ADAMTSL1: variants seen among roughly 807,000 people sequenced by gnomAD.
ADAMTSL1 encodes ADAMTS like 1.
ADAMTSL1 carries 126 observed loss-of-function variants against 201.8 expected under a neutral mutation model. The ratio of observed to expected loss-of-function variants is 0.62; its 90% CI spans 0.54 to 0.72. The LOEUF is 0.72. ADAMTSL1 is among the 30% of genes least tolerant of loss of function. The pLI is 0.00. For missense variants in ADAMTSL1, 2,679 were observed against 2,277.8 expected, an observed-to-expected ratio of 1.18 and a Z score of -3.59; for synonymous variants, 1,121 against 903.4, an observed-to-expected ratio of 1.24 and a Z score of -4.32.
chr9:18,008,245 G>A (rs1211228912), intron 1 of ADAMTSL1, among the ~76,000 whole-genome samples: 1 of 151,958 alleles, frequency 6.6e-6, no homozygotes, highest in Admixed American at 6.6e-5. Flanking sequence ...GGCTAAATAA[G>A]TTCTTGCTGT....
chr9:18,109,280 G>A (rs930074231), intron 1 of ADAMTSL1, among the ~76,000 whole-genome samples: 3 of 152,080 alleles, frequency 2.0e-5, no homozygotes, highest in Non-Finnish European at 4.4e-5. Flanking sequence ...GGAGACTGGG[G>A]ACTTGGTAGA....
intron 1 of ADAMTSL1, among the ~76,000 whole-genome samples, chr9:18,079,293 C>A (rs1323459590): frequency 6.6e-6 from 1 of 152,130 alleles, no homozygotes; most frequent in Non-Finnish European, 1.5e-5. Context: ...TTCTGGTTAC[C>A]ACTTCACATT....
chr9:18,005,434 T>G lies in ADAMTSL1; in HGVS notation c.87+98512T>G, dbSNP rs143087207. ...AGCACAACTTGCTTTCATTTAACAG[T>G]TGAAGGAAAAAGAAGTACAGGGAGA... On this transcript the variant is annotated intron_variant, in intron 1 of 29. Transcript: ENST00000680146. Among the ~76,000 whole-genome samples, 207 of 152,120 alleles carry G rather than the reference T, an allele frequency of 1.4e-3. 1 individual carries two copies. Among genetic ancestry groups the G allele is most frequent in the African/African-American group, 4.7e-3 (194 of 41,540 alleles).
rs570146706 is a variant in ADAMTSL1, at chr9:17,962,199, C to T, written c.87+55277C>T. ...AGGGTGAAACCAGAACCCAGGCTTACCAGCCTTAGTTTAAACCTACCTGAA... is the reference window on the plus strand; with the variant it reads ...AGGGTGAAACCAGAACCCAGGCTTATCAGCCTTAGTTTAAACCTACCTGAA... On this transcript the variant is annotated intron_variant, in intron 1 of 29. Transcript: ENST00000680146. 2.0e-5 allele frequency among the ~76,000 whole-genome samples: 3 copies of T among 152,232 alleles called. No homozygotes were observed. In the East Asian group the frequency reaches 5.8e-4, roughly 30 times the overall value.
In ADAMTSL1 at chr9:18,662,067, C is replaced by T. The variant is rs765624574; in HGVS notation, c.1079C>T (p.Pro360Leu). 1.9e-6 allele frequency: 3 copies of T among 1,612,628 alleles called. No individual in the cohort carries two copies. The Admixed American group carries it at 5.0e-5, about 27-fold the overall frequency. The change falls in exon 9 of 29, where the codon CCA becomes CTA. Residue 360 changes from proline (P) to leucine (L), a missense_variant. Transcript: ENST00000380548. ...KLQECNLDPC[P>L]ASDGYKQIMP... ...CAGGAGTGCAACTTGGATCCTTGTC[C>T]AGCCAGGTCAGTCAAATTTGCTAGT...
At chr9:18,297,578 C>T (rs1316838294) in intron 2 of ADAMTSL1, among the ~76,000 whole-genome samples, 1 of 152,122 alleles carries the variant, frequency 6.6e-6, no homozygotes, top group Non-Finnish European at 1.5e-5. Context: ...GTCAAAAAGG[C>T]TCCGTAAAAG....
intron 2 of ADAMTSL1, among the ~76,000 whole-genome samples, chr9:18,260,334 T>C (rs1439051568): frequency 6.6e-6 from 1 of 152,240 alleles, no homozygotes; most frequent in Non-Finnish European, 1.5e-5. Flanking sequence ...CAACTGTTTG[T>C]ACAGCAAAAT....
At chr9:18,888,882 G>A (rs1227048812) in intron 24 of ADAMTSL1, among the ~76,000 whole-genome samples, 1 of 152,156 alleles carries the variant, frequency 6.6e-6, no homozygotes, top group Non-Finnish European at 1.5e-5. Context: ...GAAAACAAAT[G>A]TTTTCAGACA....
intron 2 of ADAMTSL1, among the ~76,000 whole-genome samples, chr9:18,391,928 C>G (rs760306266): frequency 6.6e-6 from 1 of 150,944 alleles, no homozygotes. Context: ...GGGTTCACGC[C>G]ATTCTCCTGC....
chr9:18,183,671 C>T (rs980367878), intron 2 of ADAMTSL1, among the ~76,000 whole-genome samples: 1 of 152,020 alleles, frequency 6.6e-6, no homozygotes, highest in Non-Finnish European at 1.5e-5. Flanking sequence ...AGTGAGATAC[C>T]ACTACACATC....
At chr9:17,963,749 T>C (rs1290003140) in intron 1 of ADAMTSL1, among the ~76,000 whole-genome samples, 1 of 152,154 alleles carries the variant, frequency 6.6e-6, no homozygotes, top group Non-Finnish European at 1.5e-5. Flanking sequence ...CCCTCTAGCC[T>C]AACAGAAATT....
At chr9:18,801,571 C>T (rs921926143) in intron 20 of ADAMTSL1, among the ~76,000 whole-genome samples, 1 of 152,146 alleles carries the variant, frequency 6.6e-6, no homozygotes, top group African/African-American at 2.4e-5. Flanking sequence ...GTTGTTCCCC[C>T]TTCTTCGTGT....
chr9:18,037,004 T>C (rs1417270540), intron 1 of ADAMTSL1, among the ~76,000 whole-genome samples: 6 of 152,184 alleles, frequency 3.9e-5, no homozygotes, highest in African/African-American at 1.4e-4. Flanking sequence ...TTCTCTTTTG[T>C]CCCCTCCCTT....
intron 2 of ADAMTSL1, among the ~76,000 whole-genome samples, chr9:18,467,781 C>T (rs1411849761): frequency 6.6e-6 from 1 of 152,170 alleles, no homozygotes; most frequent in Non-Finnish European, 1.5e-5. Context: ...CGAGGTGGAG[C>T]ATGGCTTTCT....
chr9:18,731,827 A>G (rs1383890096), intron 15 of ADAMTSL1, among the ~76,000 whole-genome samples: 2 of 152,256 alleles, frequency 1.3e-5, no homozygotes, highest in East Asian at 3.9e-4. Context: ...AAATGACCAG[A>G]TATCACAAGA....
intron 1 of ADAMTSL1, among the ~76,000 whole-genome samples, chr9:17,990,722 C>CT (rs1207342493): frequency 2.6e-5 from 4 of 152,072 alleles, no homozygotes; most frequent in African/African-American, 9.6e-5. Context: ...ATAACCATTG[C>CT]TTTTTTTCTA....
chr9:18,826,387 G>A lies in ADAMTSL1; in HGVS notation c.4038G>A (p.Ser1346=), dbSNP rs377356125. 6.3e-5 allele frequency: 102 copies of A among 1,613,544 alleles called. No individual in the cohort carries two copies. Among genetic ancestry groups the A allele is most frequent in the Non-Finnish European group, 7.5e-5 (88 of 1,179,826 alleles). Residue 1346 remains serine (S), a synonymous_variant, in exon 22 of 29, where the codon TCG becomes TCA. Coordinates refer to ENST00000380548, the MANE Select transcript of ADAMTSL1 (RefSeq NM_001040272.6). ...TGCTGCTCACAAACGTGTCCTCCTC[G>A]GATCAGGGCCTGTACTCCTGCAGGG... ...GSLLLTNVSS[S]DQGLYSCRAA...
chr9:18,612,248 T>C (rs889729474), intron 4 of ADAMTSL1, among the ~76,000 whole-genome samples: 2 of 152,228 alleles, frequency 1.3e-5, no homozygotes, highest in African/African-American at 4.8e-5. Context: ...GATTACAGTG[T>C]TATAAAATGA....
intron 1 of ADAMTSL1, among the ~76,000 whole-genome samples, chr9:18,153,083 T>G (rs1247553744): frequency 6.6e-6 from 1 of 152,192 alleles, no homozygotes; most frequent in Admixed American, 6.6e-5. Flanking sequence ...TTTCCTACAC[T>G]GTACTTTTAA....
Sources: allele counts gnomAD v4.1 joint callset (sites outside exome capture counted in the v4.1 genomes callset), GRCh38; gene constraint gnomAD v4.1.1; transcripts MANE v1.5; gene names NCBI Gene and HGNC (gene_info 2026-07-23, HGNC 2026-07-21).